The following RFTN1 variants were observed in gnomAD, a reference collection of about 807,000 sequenced individuals.
The protein encoded by RFTN1 is raftlin, lipid raft linker 1, also known as raftlin.
Under a neutral mutation model 46.5 loss-of-function variants are expected in RFTN1, and 26 were observed. The observed-to-expected ratio is 0.56, with a 90% confidence interval of 0.41 to 0.78. The LOEUF (loss-of-function observed/expected upper bound fraction) is 0.78, where lower values mean the gene tolerates loss of function less well. Among genes scored for constraint, RFTN1 ranks in the 30% least tolerant of loss-of-function variants. The probability of loss-of-function intolerance (pLI) is 0.00; values close to 1 mark genes in which losing one functional copy is unlikely to be tolerated. For missense variants in RFTN1, 693 were observed against 718.7 expected (o/e 0.96, Z 0.41); for synonymous variants, 261 against 284.2 (o/e 0.92, Z 0.82).
rs115604302 is a variant in RFTN1, at chr3:16,500,998, G to A, written c.-8-7121C>T. 8.2e-3 allele frequency among the ~76,000 whole-genome samples: 1,245 copies of A among 152,314 alleles called. 16 individuals are homozygous for A. The highest frequency in any genetic ancestry group is 0.028 in the African/African-American group (1,155 of 41,556). On this transcript the variant is annotated intron_variant, in intron 1 of 9. Transcript: ENST00000334133. The surrounding 1 kb of genome is among the most constrained non-coding windows in gnomAD (Gnocchi z 5.9). ...GCTGTTATATAAAACAGAGATGGGT[G>A]TGGTGCTGTGTACCTGTCATCCCAG... is the stretch of plus-strand genomic sequence containing the variant.
chr3:16,325,777 A>G (rs773944574), intron 8 of RFTN1, among the ~76,000 whole-genome samples: 1 of 152,160 alleles, frequency 6.6e-6, no homozygotes, highest in African/African-American at 2.4e-5. Context: ...CAGAGGAGGG[A>G]CTAGGAAAGA....
chr3:16,375,501 G>C (rs1380942755), intron 5 of RFTN1, among the ~76,000 whole-genome samples: 1 of 152,078 alleles, frequency 6.6e-6, no homozygotes, highest in African/African-American at 2.4e-5. Context: ...AGGGCACTTG[G>C]AGGGTGACTG....
intron 5 of RFTN1, among the ~76,000 whole-genome samples, chr3:16,377,054 C>T (rs985223007): frequency 6.6e-6 from 1 of 151,884 alleles, no homozygotes. Flanking sequence ...TGCTAGATTT[C>T]CTGGAGAAAG....
At chr3:16,488,565 C>G (rs1042137007) in intron 2 of RFTN1, among the ~76,000 whole-genome samples, 2 of 152,134 alleles carry the variant, frequency 1.3e-5, no homozygotes, top group Non-Finnish European at 2.9e-5. Context: ...ATGGTTAAAA[C>G]CTTATGGAAG....
chr3:16,401,857 C>T (rs2074610896), intron 4 of RFTN1, among the ~76,000 whole-genome samples: 1 of 152,230 alleles, frequency 6.6e-6, no homozygotes, highest in Admixed American at 6.5e-5. Context: ...ATTTTGGGTC[C>T]ATATTTCCAC....
chr3:16,436,356 AAATT>A (rs142873919), intron 2 of RFTN1, among the ~76,000 whole-genome samples: 7,681 of 143,930 alleles, frequency 0.053, 221 homozygotes, highest in Middle Eastern at 0.067. Flanking sequence ...ATGAAAAAAA[AAATT>A]TTTTTTTTTT....
intron 6 of RFTN1, among the ~76,000 whole-genome samples, chr3:16,368,445 G>C (rs1242631178): frequency 6.6e-6 from 1 of 152,238 alleles, no homozygotes; most frequent in Non-Finnish European, 1.5e-5. Flanking sequence ...GCCAAGGCGG[G>C]TGGATCACGA....
At chr3:16,398,699 A>T (rs1473856703) in intron 4 of RFTN1, among the ~76,000 whole-genome samples, 1 of 152,122 alleles carries the variant, frequency 6.6e-6, no homozygotes, top group East Asian at 1.9e-4. Context: ...AGGCAAAGTC[A>T]TGTCAGCCTT....
chr3:16,404,615 G>T (rs990401676), intron 4 of RFTN1, among the ~76,000 whole-genome samples: 14 of 151,078 alleles, frequency 9.3e-5, no homozygotes, highest in African/African-American at 3.4e-4. Context: ...AAGTCAAACA[G>T]GACTTGGCTC....
intron 8 of RFTN1, among the ~76,000 whole-genome samples, chr3:16,325,980 G>T (rs531699431): frequency 4.6e-5 from 7 of 152,378 alleles, no homozygotes; most frequent in African/African-American, 1.2e-4. Context: ...TGATTCTGCA[G>T]ACTGAGGTTC....
In RFTN1 at chr3:16,452,899, T is replaced by C. The variant is rs900100803; in HGVS notation, c.146-18862A>G. Among the ~76,000 whole-genome samples the C allele has an allele frequency of 6.6e-6, 1 of 152,156 alleles. No homozygotes were observed. Among genetic ancestry groups the C allele is most frequent in the Admixed American group, 6.5e-5 (1 of 15,274 alleles). ...TTTTTAATCTCCTTTTTTGAGCAAA[T>C]GGTTTCAATGTATTTTACAGCAGAA... On this transcript the variant is annotated intron_variant, in intron 2 of 9. Transcript: ENST00000334133. The surrounding 1 kb of genome is among the most constrained non-coding windows in gnomAD (Gnocchi z 6.3).
intron 2 of RFTN1, among the ~76,000 whole-genome samples, chr3:16,487,265 A>G (rs115889985): frequency 0.013 from 1,940 of 152,350 alleles, 40 homozygotes; most frequent in African/African-American, 0.044. Flanking sequence ...TTGACCTTCA[A>G]TAAATATCTG....
chr3:16,355,561 T>G (rs2072380583), intron 7 of RFTN1, among the ~76,000 whole-genome samples: 1 of 152,240 alleles, frequency 6.6e-6, no homozygotes, highest in Non-Finnish European at 1.5e-5. Flanking sequence ...GTGGAGCCTT[T>G]GCAGCCTCAT....
intron 6 of RFTN1, among the ~76,000 whole-genome samples, chr3:16,368,221 C>T (rs925683210): frequency 3.3e-5 from 5 of 152,138 alleles, no homozygotes; most frequent in Admixed American, 1.3e-4. Context: ...AAGCATGTAC[C>T]GCCACTGGTG....
At chr3:16,347,372 C>T (rs2071796289) in intron 7 of RFTN1, among the ~76,000 whole-genome samples, 1 of 152,204 alleles carries the variant, frequency 6.6e-6, no homozygotes, top group African/African-American at 2.4e-5. Context: ...GTTCTGGAAG[C>T]CAGAAGTTCA....
In RFTN1 at chr3:16,362,598, C is replaced by T. The variant is rs1002632303; in HGVS notation, c.1031-4551G>A. Among the ~76,000 whole-genome samples the T allele has an allele frequency of 2.6e-5, 4 of 152,306 alleles. No homozygotes were observed. The East Asian group carries it at 5.8e-4, about 22-fold the overall frequency. On this transcript the variant is annotated intron_variant, in intron 6 of 9. Transcript: ENST00000334133. ...TGGGCATGCTTGAGACCAGAAGACA[C>T]TCAATGATTCCATCAGGATTGTATC... is the stretch of plus-strand genomic sequence containing the variant.
intron 2 of RFTN1, among the ~76,000 whole-genome samples, chr3:16,478,660 C>T (rs542682067): frequency 6.5e-4 from 99 of 152,326 alleles, no homozygotes; most frequent in African/African-American, 1.9e-3. Context: ...AGGACATTGG[C>T]CAGGGCTGAA....
At chr3:16,502,383 CAAAAA>C (rs140019736) in intron 1 of RFTN1, among the ~76,000 whole-genome samples, 1 of 71,006 alleles carries the variant, frequency 1.4e-5, no homozygotes. Flanking sequence ...GACCTTGTCT[CAAAAA>C]AAAAAAAAAA....
At chr3:16,330,220 A>G (rs926374166) in intron 7 of RFTN1, among the ~76,000 whole-genome samples, 5 of 152,210 alleles carry the variant, frequency 3.3e-5, no homozygotes, top group African/African-American at 1.2e-4. Flanking sequence ...CAAGTAAAAT[A>G]CAAATGGTAG....
Sources: gnomAD v4.1 joint callset for allele counts (sites outside exome capture counted in the v4.1 genomes callset) on GRCh38, gnomAD v4.1.1 for gene constraint, Gnocchi (gnomAD v3.1) non-coding constraint, MANE v1.5 for transcripts, NCBI Gene and HGNC (gene_info 2026-07-23, HGNC 2026-07-21) for gene names.